The following WASF1 variants were observed in gnomAD, a reference collection of about 807,000 sequenced individuals.
WASF1 encodes actin-binding protein WASF1.
Under a neutral mutation model 50.5 loss-of-function variants are expected in WASF1, and 7 were observed. The observed-to-expected ratio is 0.14, with a 90% CI of 0.08 to 0.26. The LOEUF (loss-of-function observed/expected upper bound fraction) is 0.26. WASF1 is among the 10% of genes least tolerant of loss of function. WASF1 has a pLI of 1.00. For synonymous variants in WASF1, 205 were observed against 244.0 expected (o/e 0.84, Z 1.49); for missense variants, 470 against 694.7 (o/e 0.68, Z 3.64).
chr6:110,151,389 A>G (rs574527679), intron 3 of WASF1, among the ~76,000 whole-genome samples: 2 of 152,338 alleles, frequency 1.3e-5, no homozygotes, highest in South Asian at 2.1e-4. Flanking sequence ...ACAAATAACT[A>G]TAATAAAATA....
At chr6:110,110,819 T>TG (rs1773520399) in intron 5 of WASF1, among the ~76,000 whole-genome samples, 1 of 151,296 alleles carries the variant, frequency 6.6e-6, no homozygotes, top group African/African-American at 2.5e-5. Flanking sequence ...GTACACATGA[T>TG]GTTTTTTTTT....
At chr6:110,145,490 C>T (rs1192054865) in intron 3 of WASF1, among the ~76,000 whole-genome samples, 4 of 152,128 alleles carry the variant, frequency 2.6e-5, no homozygotes, top group East Asian at 1.9e-4. Context: ...GAACTTCCAA[C>T]GCTATGTTGA....
intron 2 of WASF1, among the ~76,000 whole-genome samples, chr6:110,163,233 T>C (rs1336537582): frequency 1.3e-5 from 2 of 151,622 alleles, no homozygotes; most frequent in Non-Finnish European, 3.0e-5. Flanking sequence ...AAAAACTAAA[T>C]AAATACAGAG....
intron 3 of WASF1, among the ~76,000 whole-genome samples, chr6:110,151,670 ATT>A (rs1319482859): frequency 1.3e-5 from 2 of 152,154 alleles, no homozygotes; most frequent in Non-Finnish European, 2.9e-5. Context: ...ATTAATCACA[ATT>A]TTGAGTGAAC....
chr6:110,140,417 A>G (rs1418870510), intron 3 of WASF1, among the ~76,000 whole-genome samples: 1 of 152,180 alleles, frequency 6.6e-6, no homozygotes, highest in Non-Finnish European at 1.5e-5. Flanking sequence ...CACTCCAGCA[A>G]ATTAATCAAA....
chr6:110,142,525 CTT>C (rs1775293090), intron 3 of WASF1, among the ~76,000 whole-genome samples: 1 of 152,116 alleles, frequency 6.6e-6, no homozygotes, highest in Non-Finnish European at 1.5e-5. Flanking sequence ...AGCCTAATAA[CTT>C]TATCTCCTAA....
chr6:110,168,334 G>C (rs1255432876), intron 2 of WASF1, among the ~76,000 whole-genome samples: 13 of 151,982 alleles, frequency 8.6e-5, no homozygotes, highest in Non-Finnish European at 1.8e-4. Flanking sequence ...TAATGCTAAT[G>C]AATGAAATTA....
intron 3 of WASF1, among the ~76,000 whole-genome samples, chr6:110,131,477 GCT>G (rs1180120107): frequency 6.6e-6 from 1 of 152,074 alleles, no homozygotes; most frequent in Non-Finnish European, 1.5e-5. Context: ...CTATTCCATT[GCT>G]CTTTTTGACT....
chr6:110,116,396 C>T (rs181562102), intron 4 of WASF1, among the ~76,000 whole-genome samples: 5 of 152,322 alleles, frequency 3.3e-5, no homozygotes, highest in Admixed American at 1.3e-4. Context: ...ATGCCTGGCT[C>T]GGCGGGTCCC....
chr6:110,102,106 A>C lies in WASF1; in HGVS notation c.1004T>G (p.Leu335Trp), dbSNP rs750992166. ...TGAAGCTCTTAATGAGGAAGTTGAC[A>C]AGGCAGATGGAAGAGGTGGTGGAGG... is the stretch of plus-strand genomic sequence containing the variant. ...PPPPPPLPSA[L>W]STSSLRASMT... The change falls in exon 10 of 11, where the codon TTG becomes TGG. Residue 335 changes from leucine (L) to tryptophan (W), a missense_variant. Leu to Trp is a moderately conservative substitution (Grantham distance 61). Around this residue, in one of 3 missense-constraint regions of WASF1, gnomAD observed 294 missense variants for 343.5 expected, o/e 0.86. Transcript: ENST00000392589. 4.0e-6 allele frequency: 6 copies of C among 1,497,562 alleles called. No homozygotes were observed. The highest frequency in any genetic ancestry group is 5.3e-6 in the Non-Finnish European group (6 of 1,123,862). The allele number at this position is 1,497,562 out of a possible 1,614,324, so 92.8% of individuals were successfully genotyped here.
intron 2 of WASF1, among the ~76,000 whole-genome samples, chr6:110,174,317 G>GT (rs1454050084): frequency 2.0e-5 from 3 of 152,018 alleles, no homozygotes; most frequent in African/African-American, 7.2e-5. Context: ...TTCAACACCT[G>GT]TTTTTTACTA....
chr6:110,113,304 A>G, intron 5 of WASF1, 22 bp downstream of exon 5: 1 of 1,509,180 alleles, frequency 6.6e-7, no homozygotes, highest in East Asian at 2.4e-5. Context: ...CGTAGAAGAA[A>G]ATACAATATT....
chr6:110,154,080 T>C (rs182001184), intron 3 of WASF1, among the ~76,000 whole-genome samples: 5 of 152,264 alleles, frequency 3.3e-5, no homozygotes, highest in African/African-American at 1.2e-4. Context: ...TCCTTTTCTA[T>C]ATCTGAAACC....
chr6:110,136,671 A>C (rs956127478), intron 3 of WASF1, among the ~76,000 whole-genome samples: 2 of 152,126 alleles, frequency 1.3e-5, no homozygotes, highest in Non-Finnish European at 2.9e-5. Flanking sequence ...TGCATGATAG[A>C]GCTTTTCCTT....
At chr6:110,120,715 G>A (rs1287631055) in intron 4 of WASF1, among the ~76,000 whole-genome samples, 1 of 152,210 alleles carries the variant, frequency 6.6e-6, no homozygotes, top group Non-Finnish European at 1.5e-5. Flanking sequence ...CAAAAAAAGA[G>A]CCTGCATAGC....
In WASF1 at chr6:110,122,686, T is replaced by C. The variant is rs531973842; in HGVS notation, c.133+4783A>G. ...TTCTTATGGTTTTCTTAATAACATA[T>C]TCTTTTCTCTAGCTTACCTTATTGT... On this transcript the variant is annotated intron_variant, in intron 4 of 10. Transcript: ENST00000392589. Among the ~76,000 whole-genome samples the C allele has an allele frequency of 1.5e-4, 23 of 152,340 alleles. No individual in the cohort carries two copies. The South Asian group carries it at 3.5e-3, about 23-fold the overall frequency.
Position 110,169,662 on chromosome 6 carries a change from A to G in WASF1, c.-126-8930T>C, listed in dbSNP as rs182035511. Among the ~76,000 whole-genome samples the G allele has an allele frequency of 3.9e-3, 596 of 152,244 alleles. 2 individuals are homozygous for G. Among genetic ancestry groups the G allele is most frequent in the Non-Finnish European group, 5.7e-3 (390 of 67,998 alleles). On this transcript the variant is annotated intron_variant, in intron 2 of 10. Transcript: ENST00000392589. The stretch of plus-strand genomic sequence containing the variant: ...TAAATCAAAATAATCCCATTTTTTC[A>G]TTACATCTAGAGGAAGCTTAAGTCA...
chr6:110,159,893 G>C (rs1584019842), intron 3 of WASF1, among the ~76,000 whole-genome samples: 1 of 151,882 alleles, frequency 6.6e-6, no homozygotes, highest in Middle Eastern at 3.4e-3. Context: ...TCGGATTTTG[G>C]AACATTTCAG....
intron 5 of WASF1, among the ~76,000 whole-genome samples, chr6:110,109,034 CT>C (rs1437593453): frequency 1.3e-5 from 2 of 152,180 alleles, no homozygotes; most frequent in African/African-American, 4.8e-5. Context: ...CTATAATCTT[CT>C]TTTCCATCTC....
Sources: gnomAD v4.1 joint callset for allele counts (sites outside exome capture counted in the v4.1 genomes callset) on GRCh38, gnomAD v4.1.1 for gene constraint, gnomAD v4.1.1 regional missense constraint, MANE v1.5 for transcripts, NCBI Gene and HGNC (gene_info 2026-07-23, HGNC 2026-07-21) for gene names.